Variants in KCNH1 observed in about 807,000 individuals in gnomAD.
The protein encoded by KCNH1 is voltage-gated delayed rectifier potassium channel KCNH1.
A neutral mutation model predicts 69.2 loss-of-function variants in KCNH1; 27 were observed. That is an observed-to-expected ratio of 0.39 (90% confidence interval 0.29 to 0.54). KCNH1 has a LOEUF of 0.54. Among genes scored for constraint, KCNH1 ranks in the 20% least tolerant of loss-of-function variants. KCNH1 has a pLI of 0.68. For synonymous variants in KCNH1, 456 were observed against 487.7 expected, an observed-to-expected ratio of 0.93 and a Z score of 0.86; for missense variants, 798 against 1,261.6, an observed-to-expected ratio of 0.63 and a Z score of 5.57.
chr1:210,835,329 T>A (rs1027830126), intron 7 of KCNH1, among the ~76,000 whole-genome samples: 3 of 152,168 alleles, frequency 2.0e-5, no homozygotes, highest in Non-Finnish European at 4.4e-5. Context: ...TAAAGGCCAT[T>A]AAATATGTTC....
At chr1:210,843,339 C>T (rs886499460) in intron 7 of KCNH1, among the ~76,000 whole-genome samples, 15 of 152,084 alleles carry the variant, frequency 9.9e-5, no homozygotes, top group Admixed American at 6.6e-4. Context: ...AAAATAGCCC[C>T]CCTGGAATAT....
In KCNH1 at chr1:210,943,742, A is replaced by G. The variant is rs1329725541; in HGVS notation, c.1033-23673T>C. Among the ~76,000 whole-genome samples, 2 of 152,214 alleles carry G rather than the reference A, an allele frequency of 1.3e-5. 1 individual carries two copies. The highest frequency in any genetic ancestry group is 2.9e-5 in the Non-Finnish European group (2 of 68,032). ...ACAAAAGCAGTGGTAGAATAAAAAGATGCTCCTTGCATCCCCAAAAGACTA... is the reference window on the plus strand; with the variant it reads ...ACAAAAGCAGTGGTAGAATAAAAAGGTGCTCCTTGCATCCCCAAAAGACTA... On this transcript the variant is annotated intron_variant, in intron 6 of 10. Coordinates refer to ENST00000271751, the MANE Select transcript of KCNH1 (RefSeq NM_172362.3).
chr1:210,838,315 C>T (rs550057163), intron 7 of KCNH1, among the ~76,000 whole-genome samples: 4 of 152,120 alleles, frequency 2.6e-5, no homozygotes, highest in Admixed American at 6.6e-5. Context: ...AACTGGACCC[C>T]TTCCTTACAC....
At chr1:210,909,489 G>A (rs1267486727) in intron 7 of KCNH1, among the ~76,000 whole-genome samples, 2 of 152,218 alleles carry the variant, frequency 1.3e-5, no homozygotes, top group Admixed American at 6.5e-5. Context: ...CAAAGGTTCT[G>A]AAAGGGAAGC....
intron 6 of KCNH1, among the ~76,000 whole-genome samples, chr1:210,946,072 T>C (rs977176505): frequency 5.3e-5 from 8 of 152,218 alleles, no homozygotes; most frequent in Non-Finnish European, 1.2e-4. Flanking sequence ...AATTAATACA[T>C]AGCATCCATG....
chr1:211,028,870 A>C lies in KCNH1; in HGVS notation c.559-9614T>G, dbSNP rs533733912. Among the ~76,000 whole-genome samples, 3 of 152,182 alleles carry C rather than the reference A, an allele frequency of 2.0e-5. No homozygotes were observed. In the South Asian group the frequency reaches 6.2e-4, roughly 32 times the overall value. On this transcript the variant is annotated intron_variant, in intron 5 of 10. Coordinates refer to ENST00000271751, the MANE Select transcript of KCNH1 (RefSeq NM_172362.3). ...AACAGCAATTCTACACAATCTCTAAAAGAAAATAGAAGCAGAGGGAACACT... is the reference window on the plus strand; with the variant it reads ...AACAGCAATTCTACACAATCTCTAACAGAAAATAGAAGCAGAGGGAACACT...
In KCNH1 at chr1:210,679,618, C is replaced by G. The variant is rs1222387920; in HGVS notation, c.*3663G>C. On this transcript the variant is annotated 3_prime_UTR_variant, in exon 11 of 11. Coordinates refer to ENST00000271751, the MANE Select transcript of KCNH1 (RefSeq NM_172362.3). ...TTGACAGTTGGCATAATACTTCTAC[C>G]TTCCATTTAAGGATTTGGAGAGGAA... The G allele has an allele frequency of 6.6e-6, 1 of 152,192 alleles. No homozygotes were observed. The highest frequency in any genetic ancestry group is 1.5e-5 in the Non-Finnish European group (1 of 68,052). 9.4% of individuals were successfully genotyped at this position (152,192 alleles called of 1,614,324 possible).
intron 6 of KCNH1, among the ~76,000 whole-genome samples, chr1:210,924,902 C>CAA (rs77435503): frequency 0.012 from 1,624 of 133,032 alleles, 32 homozygotes; most frequent in African/African-American, 0.042. Flanking sequence ...TTGACTATAG[C>CAA]AAAAAAAAAA....
chr1:211,079,850 C>T (rs12406619), intron 5 of KCNH1, among the ~76,000 whole-genome samples: 12,634 of 152,228 alleles, frequency 0.083, 696 homozygotes, highest in South Asian at 0.14. Context: ...GACAAACCCA[C>T]AGCCAATATC....
At chr1:210,693,823 T>C (rs1558426017) in intron 10 of KCNH1, among the ~76,000 whole-genome samples, 2 of 152,170 alleles carry the variant, frequency 1.3e-5, no homozygotes, top group South Asian at 4.1e-4. Context: ...ATTTGCAGCC[T>C]TGTGGGTATC....
chr1:211,070,101 G>A (rs184836514), intron 5 of KCNH1, among the ~76,000 whole-genome samples: 1 of 152,112 alleles, frequency 6.6e-6, no homozygotes, highest in African/African-American at 2.4e-5. Context: ...TCAGATCACA[G>A]AAGTGCAGAA....
chr1:210,785,791 T>C lies in KCNH1; in HGVS notation c.1916-10247A>G, dbSNP rs564803527. ...ACTCATGTGTAGACCAGCCCTTTGCTCTCTCCTCGGGAATGAACTGCCTGT... is the reference window on the plus strand; with the variant it reads ...ACTCATGTGTAGACCAGCCCTTTGCCCTCTCCTCGGGAATGAACTGCCTGT... On this transcript the variant is annotated intron_variant, in intron 9 of 10. Transcript: ENST00000271751. Among the ~76,000 whole-genome samples, 15 of 152,172 alleles carry C rather than the reference T, an allele frequency of 9.9e-5. No homozygotes were observed. In the East Asian group the frequency reaches 2.9e-3, roughly 29 times the overall value.
At chr1:210,966,235 G>A (rs867333268) in intron 6 of KCNH1, among the ~76,000 whole-genome samples, 6 of 151,888 alleles carry the variant, frequency 4.0e-5, no homozygotes, top group Non-Finnish European at 7.4e-5. Context: ...AAATTAACTC[G>A]AGATGGATTA....
At chr1:211,035,494 C>T (rs1571596350) in intron 5 of KCNH1, among the ~76,000 whole-genome samples, 2 of 151,408 alleles carry the variant, frequency 1.3e-5, no homozygotes, top group East Asian at 3.9e-4. Context: ...GTGATCCGCC[C>T]GCCTCGGCCT....
At chr1:210,747,171 T>C (rs1393516028) in intron 10 of KCNH1, among the ~76,000 whole-genome samples, 1 of 152,108 alleles carries the variant, frequency 6.6e-6, no homozygotes, top group African/African-American at 2.4e-5. Context: ...ACCAAACTGA[T>C]TTCTATAAAA....
intron 7 of KCNH1, among the ~76,000 whole-genome samples, chr1:210,873,754 G>T (rs530631372): frequency 1.1e-4 from 17 of 152,200 alleles, no homozygotes; most frequent in Non-Finnish European, 2.4e-4. Flanking sequence ...AATTACTCCA[G>T]ATACAGTCAA....
chr1:210,921,461 CT>C (rs1687457970), intron 6 of KCNH1, among the ~76,000 whole-genome samples: 1 of 152,206 alleles, frequency 6.6e-6, no homozygotes, highest in African/African-American at 2.4e-5. Context: ...TCCACTATCC[CT>C]TTAATAACAA....
intron 7 of KCNH1, among the ~76,000 whole-genome samples, chr1:210,871,757 A>G (rs1686253260): frequency 1.3e-5 from 2 of 151,674 alleles, no homozygotes; most frequent in Admixed American, 6.6e-5. Context: ...TTGTAGGGAC[A>G]TGGATGAAAC....
chr1:210,997,406 G>T (rs908994664), intron 6 of KCNH1, among the ~76,000 whole-genome samples: 2 of 152,182 alleles, frequency 1.3e-5, no homozygotes, highest in East Asian at 1.9e-4. Context: ...GGAAGAAAGG[G>T]TATCAGTGAT....
Sources: allele counts gnomAD v4.1 joint callset (sites outside exome capture counted in the v4.1 genomes callset), GRCh38; gene constraint gnomAD v4.1.1; transcripts MANE v1.5; gene names NCBI Gene and HGNC (gene_info 2026-07-23, HGNC 2026-07-21).